Variants in DDX46 observed in about 807,000 individuals in gnomAD.
DDX46 encodes the protein DEAD-box helicase 46, also known as probable ATP-dependent RNA helicase DDX46.
A neutral mutation model predicts 134.9 loss-of-function variants in DDX46; 30 were observed. The observed-to-expected ratio is 0.22, with a 90% CI of 0.17 to 0.30. DDX46 has a LOEUF of 0.30. Ranked by LOEUF, DDX46 falls within the 10% of genes least tolerant of loss-of-function variation. DDX46 has a pLI of 1.00. For synonymous variants in DDX46, 415 were observed against 404.1 expected (o/e 1.03, Z -0.32); for missense variants, 622 against 1,248.7 (o/e 0.50, Z 7.56).
intron 11 of DDX46, 134 bp from the exon 12 acceptor site, chr5:134,788,379 G>GC: frequency 1.6e-6 from 1 of 612,508 alleles, no homozygotes; most frequent in South Asian, 2.6e-5. Context: ...CTTTAGTAGT[G>GC]CCCCGAGATT....
At chr5:134,795,071 A>T (rs1031272246) in intron 14 of DDX46, 57 bp downstream of exon 14, 1 of 1,589,200 alleles carries the variant, frequency 6.3e-7, no homozygotes, top group Non-Finnish European at 8.6e-7. Context: ...GGTATGTATG[A>T]TTCTTCTATG....
intron 3 of DDX46, among the ~76,000 whole-genome samples, chr5:134,769,981 A>G (rs564844296): frequency 6.6e-6 from 1 of 152,178 alleles, no homozygotes; most frequent in South Asian, 2.1e-4. Context: ...TGTTAATGGA[A>G]TATGAAAACA....
At chr5:134,786,439 C>T (rs1754337280) in intron 11 of DDX46, among the ~76,000 whole-genome samples, 1 of 151,832 alleles carries the variant, frequency 6.6e-6, no homozygotes, top group South Asian at 2.1e-4. Flanking sequence ...AGGAAATATT[C>T]AGAAAGATTT....
chr5:134,764,898 A>T (rs1401927416), intron 2 of DDX46, among the ~76,000 whole-genome samples: 1 of 134,170 alleles, frequency 7.5e-6, no homozygotes, highest in African/African-American at 2.9e-5. Context: ...TTCCTCCCTC[A>T]CTCTTTCTCT....
At chr5:134,801,660 A>G (rs1754832589) in intron 15 of DDX46, among the ~76,000 whole-genome samples, 1 of 152,158 alleles carries the variant, frequency 6.6e-6, no homozygotes, top group African/African-American at 2.4e-5. Context: ...CTTAAGCTCC[A>G]GAGTATTGGG....
intron 21 of DDX46, among the ~76,000 whole-genome samples, chr5:134,822,278 A>G (rs890681842): frequency 2.0e-5 from 3 of 152,084 alleles, no homozygotes; most frequent in Non-Finnish European, 4.4e-5. Context: ...ACTATACAAA[A>G]ATTTTGCTCC....
At chr5:134,796,582 G>A (rs1754659148) in intron 15 of DDX46, among the ~76,000 whole-genome samples, 1 of 152,220 alleles carries the variant, frequency 6.6e-6, no homozygotes, top group Admixed American at 6.5e-5. Context: ...ACCGGGCATG[G>A]TAGCTCACGC....
Position 134,781,141 on chromosome 5 carries a change from G to C in DDX46, c.774G>C (p.Gly258=), listed in dbSNP as rs144571062. The change falls in exon 7 of 23, where the codon GGG becomes GGC. Residue 258 remains glycine, a synonymous_variant. Coordinates refer to ENST00000452510, the MANE Select transcript of DDX46 (RefSeq NM_001300860.2). ...KGGGGNEKKS[G]PTVTKVVTVV... is the part of the protein sequence containing the mutation. ...TTTGTTCTTTATTTTAGAAGTCTGG[G>C]CCAACGGTCACAAAAGTTGTCACTG... is the stretch of plus-strand genomic sequence containing the variant. 3.3e-3 allele frequency: 5,146 copies of C among 1,577,340 alleles called. 16 individuals are homozygous for C. The highest frequency in any genetic ancestry group is 3.4e-3 in the Non-Finnish European group (4,000 of 1,170,636).
chr5:134,788,472 A>G (rs776581152), intron 11 of DDX46, 41 bp from the exon 12 acceptor site: 1 of 1,512,026 alleles, frequency 6.6e-7, no homozygotes, highest in Non-Finnish European at 9.2e-7. Flanking sequence ...TGTTTAAGTA[A>G]GCATTAGTAA....
In DDX46 at chr5:134,827,108, CAT is replaced by C. The variant is rs1755611310; in HGVS notation, c.3051+92_3051+93del. The C allele has an allele frequency of 5.3e-6, 7 of 1,309,386 alleles. No homozygotes were observed. The South Asian group carries it at 9.9e-5, about 18-fold the overall frequency. 81.1% of individuals were successfully genotyped at this position (1,309,386 alleles called of 1,614,324 possible). A position where few individuals can be genotyped will look rare whatever the true frequency, so the allele number is the denominator to read the frequency against. On this transcript the variant is annotated intron_variant, in intron 22 of 22. Coordinates refer to ENST00000452510, the MANE Select transcript of DDX46 (RefSeq NM_001300860.2). Reference sequence around the variant, plus strand: ...TACAGAGAAGTACTCAAATCATAAACATATAGTTTGATGAATTTTCACAAAGT... The same window carrying C: ...TACAGAGAAGTACTCAAATCATAAACATAGTTTGATGAATTTTCACAAAGT...
intron 20 of DDX46, 45 bp downstream of exon 20, chr5:134,817,759 C>T: frequency 6.6e-7 from 1 of 1,517,554 alleles, no homozygotes; most frequent in Non-Finnish European, 9.0e-7. Flanking sequence ...AGTAGCAACT[C>T]TTCTTTGGAG....
chr5:134,787,901 G>A (rs1042374186), intron 11 of DDX46, among the ~76,000 whole-genome samples: 1 of 151,728 alleles, frequency 6.6e-6, no homozygotes, highest in Non-Finnish European at 1.5e-5. Context: ...GAGGGTGTGT[G>A]GGGTGGTGGG....
intron 16 of DDX46, among the ~76,000 whole-genome samples, chr5:134,810,089 T>G (rs1028436479): frequency 3.9e-5 from 6 of 152,014 alleles, no homozygotes; most frequent in African/African-American, 1.2e-4. Context: ...TTTTTTACAT[T>G]TTTGTGGAGA....
At chr5:134,799,986 CGCCCAG>C (rs1754778707) in intron 15 of DDX46, among the ~76,000 whole-genome samples, 1 of 152,150 alleles carries the variant, frequency 6.6e-6, no homozygotes, top group Non-Finnish European at 1.5e-5. Flanking sequence ...GTCGCTCTGT[CGCCCAG>C]GCTGGAGTGC....
chr5:134,777,902 G>A (rs1753997442), intron 6 of DDX46, 177 bp downstream of exon 6: 4 of 629,998 alleles, frequency 6.3e-6, no homozygotes, highest in Non-Finnish European at 5.0e-6. Context: ...TTAGCTATAA[G>A]TGTTCTTTCA....
Position 134,807,898 on chromosome 5 carries a change from A to T in DDX46, c.2105A>T (p.Asp702Val). The T allele has an allele frequency of 6.2e-7, 1 of 1,614,178 alleles. No individual in the cohort carries two copies. The highest frequency in any genetic ancestry group is 8.5e-7 in the Non-Finnish European group (1 of 1,180,030). Residue 702 changes from aspartate to valine, a missense_variant, in exon 16 of 23, where the codon GAT (aspartate) becomes GTT (valine). By Grantham distance (152) the Asp-to-Val change is radical. Transcript: ENST00000452510. ...VNYSCPNHYE[D>V]YVHRAGRTGR... ...TATAGCTGCCCCAACCATTATGAGG[A>T]TTATGTACACAGAGCAGGGCGGACT... is the stretch of plus-strand genomic sequence containing the variant.
At chr5:134,773,362 C>T (rs560047387) in intron 4 of DDX46, among the ~76,000 whole-genome samples, 4 of 152,258 alleles carry the variant, frequency 2.6e-5, no homozygotes, top group African/African-American at 7.2e-5. Context: ...ACTTTGCTTG[C>T]TAATTACTTT....
chr5:134,794,753 A>G (rs2150148091), intron 13 of DDX46, 97 bp from the exon 14 acceptor site: 1 of 1,465,736 alleles, frequency 6.8e-7, no homozygotes, highest in Non-Finnish European at 9.2e-7. Context: ...AAACTGAGAC[A>G]GTTGTTCTCA....
intron 7 of DDX46, 28 bp downstream of exon 7, chr5:134,781,274 T>C (rs1238014218): frequency 6.5e-7 from 1 of 1,527,422 alleles, no homozygotes; most frequent in Non-Finnish European, 9.0e-7. Context: ...TGACTTTGTT[T>C]ATGATACTAT....
Sources: gnomAD v4.1 joint callset for allele counts (sites outside exome capture counted in the v4.1 genomes callset) on GRCh38, gnomAD v4.1.1 for gene constraint, MANE v1.5 for transcripts, NCBI Gene and HGNC (gene_info 2026-07-23, HGNC 2026-07-21) for gene names.